The following ICA1L variants were observed in gnomAD, a reference collection of about 807,000 sequenced individuals.
ICA1L encodes islet cell autoantigen 1 like, also known as islet cell autoantigen 1-like protein.
Under a neutral mutation model 61.3 loss-of-function variants are expected in ICA1L, and 50 were observed. The observed-to-expected ratio is 0.82, with a 90% confidence interval of 0.65 to 1.03. The LOEUF (loss-of-function observed/expected upper bound fraction) is 1.03. Ranked by LOEUF, ICA1L falls within the 50% of genes least tolerant of loss-of-function variation. The pLI is 0.00. For missense variants in ICA1L, 508 were observed against 556.7 expected, an observed-to-expected ratio of 0.91 and a Z score of 0.88; for synonymous variants, 161 against 191.3, an observed-to-expected ratio of 0.84 and a Z score of 1.31.
At chr2:202,807,718 T>C (rs1248242057) in intron 9 of ICA1L, among the ~76,000 whole-genome samples, 3 of 152,058 alleles carry the variant, frequency 2.0e-5, no homozygotes, top group Admixed American at 6.6e-5. Context: ...AACTCCTTTC[T>C]GCTTGAGGAG....
At position 202,780,884 on chromosome 2, in the gene ICA1L, T is replaced by C. The variant is rs188252060; in HGVS notation, c.1334-1236A>G. On this transcript the variant is annotated intron_variant, in intron 12 of 12. Coordinates refer to ENST00000358299, the MANE Select transcript of ICA1L (RefSeq NM_001288622.3). Reference sequence around the variant, plus strand: ...AGTCATTTAACCTCAGGGTCTCTTGTCTCCTCATCTGTAAAGTAGTAACCA... The same window carrying C: ...AGTCATTTAACCTCAGGGTCTCTTGCCTCCTCATCTGTAAAGTAGTAACCA... Among the ~76,000 whole-genome samples, 633 of 152,254 alleles carry C rather than the reference T, an allele frequency of 4.2e-3. 5 individuals carry two copies. Among genetic ancestry groups the C allele is most frequent in the Non-Finnish European group, 6.9e-3 (469 of 68,012 alleles).
rs199658651 is a variant in ICA1L at position 202,777,773 on chromosome 2, A to G, written c.*1760T>C. On this transcript the variant is annotated 3_prime_UTR_variant, in exon 13 of 13. Transcript: ENST00000358299. ...TACCTACTCTGGTCCAATGTTTTCT[A>G]TGTACCATGACAAACATTACAAGCA... 2 of 151,854 alleles carry G rather than the reference A, an allele frequency of 1.3e-5. No individual in the cohort carries two copies. Among genetic ancestry groups the G allele is most frequent in the Non-Finnish European group, 2.9e-5 (2 of 67,974 alleles). The allele number at this position is 151,854 out of a possible 1,614,324, so 9.4% of individuals were successfully genotyped here.
In ICA1L at chr2:202,804,436, TCTTA is replaced by T. The variant is rs567172505; in HGVS notation, c.910+7306_910+7309del. On this transcript the variant is annotated intron_variant, in intron 9 of 12. Coordinates refer to ENST00000358299, the MANE Select transcript of ICA1L (RefSeq NM_001288622.3). ...CCCTTTCTACAAAAAGTAAAAATTGTCTTACTAAGAAAATTAAATTTATGTTCAA... is the reference window on the plus strand; with the variant it reads ...CCCTTTCTACAAAAAGTAAAAATTGTCTAAGAAAATTAAATTTATGTTCAA... Among the ~76,000 whole-genome samples the T allele has an allele frequency of 2.7e-3, 410 of 152,280 alleles. 4 individuals carry two copies. The highest frequency in any genetic ancestry group is 3.5e-3 in the Non-Finnish European group (237 of 68,028).
intron 9 of ICA1L, among the ~76,000 whole-genome samples, chr2:202,798,196 G>T (rs993938808): frequency 6.6e-6 from 1 of 152,060 alleles, no homozygotes; most frequent in African/African-American, 2.4e-5. Flanking sequence ...CACTTACAAT[G>T]ATTCCATATC....
intron 1 of ICA1L, among the ~76,000 whole-genome samples, chr2:202,862,167 T>C (rs1694936579): frequency 6.7e-6 from 1 of 149,648 alleles, no homozygotes; most frequent in African/African-American, 2.5e-5. Context: ...AACCAGGTGT[T>C]GTAGCTCCCA....
At chr2:202,804,166 T>C (rs1204565623) in intron 9 of ICA1L, among the ~76,000 whole-genome samples, 1 of 152,190 alleles carries the variant, frequency 6.6e-6, no homozygotes, top group Non-Finnish European at 1.5e-5. Flanking sequence ...ACATTCCAGC[T>C]CACAGCCTAA....
intron 1 of ICA1L, among the ~76,000 whole-genome samples, chr2:202,870,089 T>G (rs998795250): frequency 1.3e-5 from 2 of 152,106 alleles, no homozygotes; most frequent in Non-Finnish European, 2.9e-5. Flanking sequence ...CTGAAAAAGC[T>G]AAAGTATAAA....
chr2:202,819,232 G>A (rs1693629580), intron 5 of ICA1L, among the ~76,000 whole-genome samples: 1 of 152,148 alleles, frequency 6.6e-6, no homozygotes, highest in African/African-American at 2.4e-5. Context: ...ATAATAAGGA[G>A]TTTATTTAGC....
In ICA1L at chr2:202,864,676, A is replaced by G. The variant is rs1051649301; in HGVS notation, c.-8+6943T>C. On this transcript the variant is annotated intron_variant, in intron 1 of 12. Coordinates refer to ENST00000358299, the MANE Select transcript of ICA1L (RefSeq NM_001288622.3). ...ATATATATATGGATAAAACATGACT[A>G]ACTAGGTGGAATTTATGCCAGGGAT... Among the ~76,000 whole-genome samples, 3 of 149,292 alleles carry G rather than the reference A, an allele frequency of 2.0e-5. No homozygotes were observed. In the South Asian group the frequency reaches 6.3e-4, roughly 31 times the overall value.
intron 9 of ICA1L, among the ~76,000 whole-genome samples, chr2:202,799,177 T>C (rs1395002664): frequency 2.0e-5 from 3 of 152,218 alleles, no homozygotes; most frequent in Non-Finnish European, 4.4e-5. Flanking sequence ...ATATTTTTAA[T>C]TTTATGAGCA....
intron 9 of ICA1L, among the ~76,000 whole-genome samples, chr2:202,805,935 T>G (rs1382362239): frequency 6.6e-6 from 1 of 152,218 alleles, no homozygotes; most frequent in South Asian, 2.1e-4. Flanking sequence ...TAGTTAACCT[T>G]TTGAACACAT....
intron 12 of ICA1L, among the ~76,000 whole-genome samples, chr2:202,782,697 G>A (rs147664943): frequency 6.7e-4 from 102 of 151,930 alleles, no homozygotes; most frequent in African/African-American, 1.5e-3. Context: ...ATGAGCCACC[G>A]CACCCAGACT....
In ICA1L at chr2:202,789,944, C is replaced by G. The variant is rs10176634; in HGVS notation, c.986-857G>C. On this transcript the variant is annotated intron_variant, in intron 10 of 12. Coordinates refer to ENST00000358299, the MANE Select transcript of ICA1L (RefSeq NM_001288622.3). ...GGAGAGAGACATCATAGCCAAGTCC[C>G]CAAGCAGGCCAGTCCTAGCTGGCAT... Among the ~76,000 whole-genome samples the G allele has an allele frequency of 6.5e-3, 986 of 152,304 alleles. 11 individuals carry two copies. The highest frequency in any genetic ancestry group is 0.023 in the African/African-American group (950 of 41,572).
chr2:202,800,260 G>A (rs1574336596), intron 9 of ICA1L, among the ~76,000 whole-genome samples: 1 of 152,086 alleles, frequency 6.6e-6, no homozygotes, highest in Non-Finnish European at 1.5e-5. Flanking sequence ...AGCTTGACTA[G>A]TAATGATCTC....
At chr2:202,838,010 C>T (rs951588308) in intron 1 of ICA1L, among the ~76,000 whole-genome samples, 1 of 151,990 alleles carries the variant, frequency 6.6e-6, no homozygotes, top group Non-Finnish European at 1.5e-5. Context: ...CCCACCACCA[C>T]GCCTGGCTAA....
Position 202,825,687 on chromosome 2 carries a change from T to A in ICA1L, c.235+8A>T. ...GGGATTATCAGATAGATAACTATGA[T>A]TTCATACCATTGAGTCTTAGCTGGT... On this transcript the variant is annotated splice_region_variant and intron_variant, in intron 3 of 12. Coordinates refer to ENST00000358299, the MANE Select transcript of ICA1L (RefSeq NM_001288622.3). 6.9e-7 allele frequency: 1 copy of A among 1,440,052 alleles called. No homozygotes were observed. Among genetic ancestry groups the A allele is most frequent in the Non-Finnish European group, 9.7e-7 (1 of 1,030,414 alleles). The allele number at this position is 1,440,052 out of a possible 1,614,324, so 89.2% of individuals were successfully genotyped here. A position where few individuals can be genotyped will look rare whatever the true frequency, so the allele number is the denominator to read the frequency against.
At chr2:202,845,834 G>A (rs572333332) in intron 1 of ICA1L, among the ~76,000 whole-genome samples, 79 of 152,240 alleles carry the variant, frequency 5.2e-4, no homozygotes, top group Non-Finnish European at 7.8e-4. Context: ...GCACACTGAA[G>A]CACTGAAATC....
chr2:202,783,997 ACTTC>A (rs754022871), intron 12 of ICA1L, among the ~76,000 whole-genome samples: 21 of 152,262 alleles, frequency 1.4e-4, no homozygotes, highest in Non-Finnish European at 2.8e-4. Context: ...TTTTTTATTA[ACTTC>A]TGTAGTCTTT....
intron 1 of ICA1L, among the ~76,000 whole-genome samples, chr2:202,843,892 T>C (rs1352312419): frequency 6.6e-6 from 1 of 152,232 alleles, no homozygotes; most frequent in Non-Finnish European, 1.5e-5. Context: ...ATATCTTATA[T>C]AGAACATTTC....
Sources: gnomAD v4.1 joint callset for allele counts (sites outside exome capture counted in the v4.1 genomes callset) on GRCh38, gnomAD v4.1.1 for gene constraint, MANE v1.5 for transcripts, NCBI Gene and HGNC (gene_info 2026-07-23, HGNC 2026-07-21) for gene names.